The following WDPCP variants were observed in gnomAD, a reference collection of about 807,000 sequenced individuals.
WDPCP encodes the protein WD repeat containing planar cell polarity effector.
WDPCP carries 71 observed loss-of-function variants against 93.1 expected under a neutral mutation model. The ratio of observed to expected loss-of-function variants is 0.76; its 90% CI spans 0.63 to 0.93. The LOEUF (loss-of-function observed/expected upper bound fraction) is 0.93, where lower values mean the gene tolerates loss of function less well. Ranked by LOEUF, WDPCP falls within the 40% of genes least tolerant of loss-of-function variation. The pLI, the probability that WDPCP is intolerant of heterozygous loss-of-function variation, is 0.00. For synonymous variants in WDPCP, 315 were observed against 315.0 expected (o/e 1.00, Z 0.00); for missense variants, 844 against 887.4 (o/e 0.95, Z 0.62).
At chr2:63,405,057 G>A in intron 9 of WDPCP, among the ~76,000 whole-genome samples, 1 of 152,200 alleles carries the variant, frequency 6.6e-6, no homozygotes, top group Middle Eastern at 3.4e-3. Flanking sequence ...TAAAAAGAAT[G>A]AATAAGAACT....
chr2:63,777,724 T>C (rs1432417290), intron 2 of WDPCP, among the ~76,000 whole-genome samples: 2 of 152,280 alleles, frequency 1.3e-5, no homozygotes, highest in African/African-American at 2.4e-5. Flanking sequence ...AACTGTTCTA[T>C]AGTGACAAAA....
intron 2 of WDPCP, among the ~76,000 whole-genome samples, chr2:63,719,873 G>A (rs1669390583): frequency 6.6e-6 from 1 of 151,976 alleles, no homozygotes. Context: ...TAGCCTTTCT[G>A]AGCGAAAAAA....
Position 63,120,945 on chromosome 2 carries a change from T to C in WDPCP, c.*1061A>G, listed in dbSNP as rs1270789152. On this transcript the variant is annotated 3_prime_UTR_variant, in exon 18 of 18. Coordinates refer to ENST00000272321, the MANE Select transcript of WDPCP (RefSeq NM_015910.7). ...TACTAGCTAACAAGTTACCACACTA[T>C]AGTTTCATGGATGCTGTTAGAAGAC... Among the ~76,000 whole-genome samples the C allele has an allele frequency of 6.6e-6, 1 of 152,214 alleles. No homozygotes were observed. Among genetic ancestry groups the C allele is most frequent in the African/African-American group, 2.4e-5 (1 of 41,456 alleles).
chr2:63,573,976 A>G (rs1279742009), intron 1 of WDPCP, among the ~76,000 whole-genome samples: 6 of 152,126 alleles, frequency 3.9e-5, no homozygotes, highest in Non-Finnish European at 8.8e-5. Context: ...ATTCCTGCCT[A>G]ATAAATTTTG....
chr2:63,463,513 T>C (rs1427422901), intron 6 of WDPCP, among the ~76,000 whole-genome samples: 1 of 152,128 alleles, frequency 6.6e-6, no homozygotes, highest in African/African-American at 2.4e-5. Flanking sequence ...ACTGGGAATA[T>C]CAAGGGCCCC....
chr2:63,265,347 C>A (rs1359116115), intron 13 of WDPCP, among the ~76,000 whole-genome samples: 1 of 152,058 alleles, frequency 6.6e-6, no homozygotes, highest in Non-Finnish European at 1.5e-5. Flanking sequence ...GACATTATAA[C>A]TGTATACCAC....
upstream of WDPCP, chr2:63,588,720 C>G (rs974471410): frequency 6.0e-6 from 3 of 497,180 alleles, no homozygotes; most frequent in African/African-American, 5.8e-5. Context: ...CTCCTGAGCC[C>G]AAACCATCCG....
intron 2 of WDPCP, among the ~76,000 whole-genome samples, chr2:63,763,592 ATGT>A (rs1369942342): frequency 1.3e-5 from 2 of 152,238 alleles, no homozygotes; most frequent in South Asian, 4.1e-4. Flanking sequence ...CAAAATACAC[ATGT>A]TGTTAATTTA....
chr2:63,674,298 T>A (rs1200382847), intron 2 of WDPCP, among the ~76,000 whole-genome samples: 1 of 152,232 alleles, frequency 6.6e-6, no homozygotes, highest in East Asian at 1.9e-4. Flanking sequence ...TAATCAAAGC[T>A]TGCCATGGGT....
intron 9 of WDPCP, among the ~76,000 whole-genome samples, chr2:63,406,572 A>G (rs894302843): frequency 6.6e-6 from 1 of 152,178 alleles, no homozygotes; most frequent in African/African-American, 2.4e-5. Flanking sequence ...AAGCTTAACG[A>G]TTTTATGTAA....
chr2:63,340,082 C>G (rs541037646), intron 12 of WDPCP, among the ~76,000 whole-genome samples: 1 of 152,160 alleles, frequency 6.6e-6, no homozygotes, highest in African/African-American at 2.4e-5. Flanking sequence ...TATACATCTA[C>G]GTCTTTGCAT....
chr2:63,661,179 G>T (rs1037838186), intron 2 of WDPCP, among the ~76,000 whole-genome samples: 3 of 152,144 alleles, frequency 2.0e-5, no homozygotes, highest in Non-Finnish European at 4.4e-5. Context: ...TGGGTCTTTT[G>T]CTTTAGGATC....
At chr2:63,263,180 G>A (rs1681794924) in intron 13 of WDPCP, among the ~76,000 whole-genome samples, 1 of 152,098 alleles carries the variant, frequency 6.6e-6, no homozygotes, top group Non-Finnish European at 1.5e-5. Context: ...CTCTCAAGTG[G>A]CTATCTTCTG....
chr2:63,533,950 CAGAT>C (rs1011831862), intron 1 of WDPCP, among the ~76,000 whole-genome samples: 6 of 151,904 alleles, frequency 3.9e-5, no homozygotes, highest in East Asian at 3.9e-4. Flanking sequence ...ATCAACAAAA[CAGAT>C]AGACTGCTAG....
chr2:63,133,751 C>T (rs1406930757), intron 17 of WDPCP, among the ~76,000 whole-genome samples: 2 of 152,110 alleles, frequency 1.3e-5, no homozygotes, highest in Non-Finnish European at 2.9e-5. Flanking sequence ...ATAAATTACC[C>T]AGTCTTAGAT....
intron 13 of WDPCP, among the ~76,000 whole-genome samples, chr2:63,293,741 T>C (rs942160396): frequency 6.6e-6 from 1 of 152,096 alleles, no homozygotes; most frequent in African/African-American, 2.4e-5. Flanking sequence ...CAAGATGATT[T>C]CAAAGCCAGA....
intron 2 of WDPCP, among the ~76,000 whole-genome samples, chr2:63,734,442 T>G (rs544798783): frequency 6.6e-6 from 1 of 152,310 alleles, no homozygotes; most frequent in East Asian, 1.9e-4. Flanking sequence ...ACATCTAACT[T>G]TCCCTATTTA....
intron 14 of WDPCP, among the ~76,000 whole-genome samples, chr2:63,205,615 T>G (rs1291352321): frequency 1.3e-5 from 2 of 152,260 alleles, no homozygotes; most frequent in African/African-American, 4.8e-5. Flanking sequence ...TTTTTAAATT[T>G]CTTCTTCACA....
intron 2 of WDPCP, among the ~76,000 whole-genome samples, chr2:63,797,192 G>A (rs1418055589): frequency 6.6e-6 from 1 of 152,166 alleles, no homozygotes; most frequent in Admixed American, 6.5e-5. Flanking sequence ...TACCTAGGGA[G>A]TACTTGCCAT....
Sources: allele counts gnomAD v4.1 joint callset (sites outside exome capture counted in the v4.1 genomes callset), GRCh38; gene constraint gnomAD v4.1.1; transcripts MANE v1.5; gene names NCBI Gene and HGNC (gene_info 2026-07-23, HGNC 2026-07-21).